FAM47E: variants seen among roughly 807,000 people sequenced by gnomAD.
FAM47E encodes the protein family with sequence similarity 47 member E.
FAM47E carries 32 observed loss-of-function variants against 41.6 expected under a neutral mutation model. That is an observed-to-expected ratio of 0.77 (90% confidence interval 0.58 to 1.03). The LOEUF is 1.03. FAM47E is among the 50% of genes least tolerant of loss of function. The probability of loss-of-function intolerance (pLI) is 0.00; values close to 1 mark genes in which losing one functional copy is unlikely to be tolerated. For missense variants in FAM47E, 424 were observed against 485.4 expected (o/e 0.87, Z 1.19); for synonymous variants, 184 against 188.7 (o/e 0.98, Z 0.20).
chr4:76,230,815 T>C (rs1733479881), intron 2 of FAM47E, among the ~76,000 whole-genome samples: 1 of 152,176 alleles, frequency 6.6e-6, no homozygotes, highest in Admixed American at 6.5e-5. Context: ...ATCTCCCTTA[T>C]TGTCAGTAGC....
At chr4:76,231,742 G>A (rs1560730893) in intron 2 of FAM47E, among the ~76,000 whole-genome samples, 2 of 152,172 alleles carry the variant, frequency 1.3e-5, no homozygotes. Flanking sequence ...TCAAATACCT[G>A]TGAGTTTGGT....
intron 3 of FAM47E, among the ~76,000 whole-genome samples, chr4:76,265,868 C>G (rs547679740): frequency 1.3e-5 from 2 of 152,152 alleles, no homozygotes; most frequent in Non-Finnish European, 2.9e-5. Flanking sequence ...AGGATGCAAG[C>G]GACACCAACT....
At chr4:76,230,211 C>T (rs1733469453) in intron 2 of FAM47E, among the ~76,000 whole-genome samples, 1 of 152,062 alleles carries the variant, frequency 6.6e-6, no homozygotes, top group African/African-American at 2.4e-5. Context: ...GCTATGGCCA[C>T]TGTAGGGGAT....
At chr4:76,240,428 G>A (rs1335876893) in intron 2 of FAM47E, among the ~76,000 whole-genome samples, 1 of 152,090 alleles carries the variant, frequency 6.6e-6, no homozygotes, top group Non-Finnish European at 1.5e-5. Flanking sequence ...TTATATTCAT[G>A]TCTTTCATTA....
chr4:76,218,312 A>G (rs1418883934), intron 2 of FAM47E, among the ~76,000 whole-genome samples: 1 of 152,246 alleles, frequency 6.6e-6, no homozygotes, highest in Non-Finnish European at 1.5e-5. Context: ...CAGCCTCCAT[A>G]AGAAAAAATT....
chr4:76,214,286 C>A (rs1182713417), exon 1 of FAM47E: 1 of 456,000 alleles, frequency 2.2e-6, no homozygotes, highest in Non-Finnish European at 4.4e-6. Context: ...TGCCAGCAAG[C>A]ATGTTCTGCC....
At chr4:76,272,617 T>C (rs950887926) in intron 5 of FAM47E, among the ~76,000 whole-genome samples, 2 of 152,228 alleles carry the variant, frequency 1.3e-5, no homozygotes, top group Non-Finnish European at 2.9e-5. Flanking sequence ...CATTTCATCA[T>C]GAATATCAGC....
At chr4:76,234,112 T>A (rs1376106300) in intron 2 of FAM47E, among the ~76,000 whole-genome samples, 1 of 152,058 alleles carries the variant, frequency 6.6e-6, no homozygotes, top group East Asian at 1.9e-4. Flanking sequence ...GCCATGTGTC[T>A]CAGCCCAGGC....
intron 1 of FAM47E, among the ~76,000 whole-genome samples, chr4:76,216,571 G>A (rs1442450602): frequency 6.6e-6 from 1 of 152,204 alleles, no homozygotes. Context: ...GTAACAGACT[G>A]TGGGGATGGA....
intron 2 of FAM47E, among the ~76,000 whole-genome samples, chr4:76,222,019 A>G (rs1484437534): frequency 6.6e-6 from 1 of 152,250 alleles, no homozygotes; most frequent in Non-Finnish European, 1.5e-5. Flanking sequence ...TCCACCTGGT[A>G]TACTAATATC....
intron 5 of FAM47E, 83 bp downstream of exon 5, chr4:76,271,851 C>G: frequency 7.0e-7 from 1 of 1,419,412 alleles, no homozygotes; most frequent in African/African-American, 1.4e-5. Flanking sequence ...TCTGATGTGT[C>G]ATGGGTACTG....
intron 5 of FAM47E, among the ~76,000 whole-genome samples, chr4:76,274,759 T>C (rs1301627994): frequency 6.6e-6 from 1 of 152,188 alleles, no homozygotes; most frequent in Non-Finnish European, 1.5e-5. Flanking sequence ...CTTTTCCTTT[T>C]GGTTCTTTCC....
At chr4:76,252,257 T>C (rs1375081733) in intron 1 of FAM47E, among the ~76,000 whole-genome samples, 2 of 151,766 alleles carry the variant, frequency 1.3e-5, no homozygotes, top group Non-Finnish European at 2.9e-5. Flanking sequence ...ATGGCGGCTG[T>C]GGCCAAGTGG....
chr4:76,217,714 C>A, intron 2 of FAM47E: 2 of 549,646 alleles, frequency 3.6e-6, no homozygotes, highest in Non-Finnish European at 3.3e-6. Context: ...CACAAACAGA[C>A]AAGGGCGGAA....
chr4:76,252,329 T>A (rs1326044634), intron 1 of FAM47E, among the ~76,000 whole-genome samples: 4 of 152,142 alleles, frequency 2.6e-5, no homozygotes, highest in African/African-American at 9.7e-5. Context: ...TGTACGGTTG[T>A]GGTAGCCTCA....
At position 76,251,800 on chromosome 4, in the gene FAM47E, G is replaced by A; in HGVS notation, c.54G>A (p.Glu18=). ...LRPGTLAPVR[E]GVNCRSRCFT... is the part of the protein sequence containing the mutation. Reference sequence around the variant, plus strand: ...CGGGGACGTTGGCCCCGGTGCGCGAGGGCGTGAACTGCAGGTCCAGGTAAA... The same window carrying A: ...CGGGGACGTTGGCCCCGGTGCGCGAAGGCGTGAACTGCAGGTCCAGGTAAA... Residue 18 remains glutamate (E), a synonymous_variant, in exon 1 of 8, where the codon GAG becomes GAA. Coordinates refer to ENST00000424749, the MANE Select transcript of FAM47E (RefSeq NM_001136570.3). 2 of 1,488,654 alleles carry A rather than the reference G, an allele frequency of 1.3e-6. No homozygotes were observed. Among genetic ancestry groups the A allele is most frequent in the South Asian group, 1.3e-5 (1 of 79,248 alleles). 92.2% of individuals were successfully genotyped at this position (1,488,654 alleles called of 1,614,324 possible).
chr4:76,254,242 C>T (rs1175965280), intron 1 of FAM47E, among the ~76,000 whole-genome samples: 1 of 152,016 alleles, frequency 6.6e-6, no homozygotes, highest in African/African-American at 2.4e-5. Flanking sequence ...ACGTACATTC[C>T]CCATTTTGAG....
At chr4:76,244,533 CTTTTTTTTTTT>C (rs71212407) in intron 2 of FAM47E, among the ~76,000 whole-genome samples, 1 of 66,080 alleles carries the variant, frequency 1.5e-5, no homozygotes, top group East Asian at 5.5e-4. Flanking sequence ...AGGCATTCTT[CTTTTTTTTTTT>C]TTTTTTTTTT....
At chr4:76,255,756 T>C (rs959119961) in intron 1 of FAM47E, among the ~76,000 whole-genome samples, 26 of 152,212 alleles carry the variant, frequency 1.7e-4, no homozygotes, top group African/African-American at 6.0e-4. Flanking sequence ...TAGAGTGACA[T>C]GGAAGGGTCT....
Sources: gnomAD v4.1 joint callset for allele counts (sites outside exome capture counted in the v4.1 genomes callset) on GRCh38, gnomAD v4.1.1 for gene constraint, MANE v1.5 for transcripts, NCBI Gene and HGNC (gene_info 2026-07-23, HGNC 2026-07-21) for gene names.